The following RANBP2 variants were observed in gnomAD, a reference collection of about 807,000 sequenced individuals.
RANBP2 encodes the protein E3 SUMO-protein ligase RanBP2.
Under a neutral mutation model 303.6 loss-of-function variants are expected in RANBP2, and 57 were observed. The observed-to-expected ratio is 0.19, with a 90% CI of 0.15 to 0.23. RANBP2 has a LOEUF of 0.23. RANBP2 is among the 10% of genes least tolerant of loss of function. RANBP2 has a pLI of 1.00. For missense variants in RANBP2, 3,138 were observed against 3,780.8 expected (o/e 0.83, Z 4.46); for synonymous variants, 1,167 against 1,301.5 (o/e 0.90, Z 2.23).
At chr2:108,741,201 A>AT (rs903850810) in intron 7 of RANBP2, among the ~76,000 whole-genome samples, 32 of 151,852 alleles carry the variant, frequency 2.1e-4, no homozygotes, top group Non-Finnish European at 4.4e-4. Context: ...CTTAATTTTT[A>AT]TTTTTTTATT....
the RANBP2 span, among the ~76,000 whole-genome samples, chr2:108,954,341 T>G: frequency 6.6e-6 from 1 of 152,222 alleles, no homozygotes; most frequent in African/African-American, 2.4e-5. Context: ...TTAATGTATA[T>G]GCTTATTATT....
At chr2:108,971,891 C>T in the RANBP2 span, among the ~76,000 whole-genome samples, 1 of 152,328 alleles carries the variant, frequency 6.6e-6, no homozygotes, top group African/African-American at 2.4e-5. Context: ...GACCAGGTCA[C>T]CAAAGGCACT....
chr2:108,768,371 T>A lies in RANBP2; in HGVS notation c.7832T>A (p.Phe2611Tyr), dbSNP rs1242888227. 8 of 1,611,662 alleles carry A rather than the reference T, an allele frequency of 5.0e-6. No individual in the cohort carries two copies. Among genetic ancestry groups the A allele is most frequent in the Non-Finnish European group, 6.8e-6 (8 of 1,179,840 alleles). Residue 2611 changes from phenylalanine to tyrosine, a missense_variant, in exon 20 of 29, where the codon TTT becomes TAT. Coordinates refer to ENST00000283195, the MANE Select transcript of RANBP2 (RefSeq NM_006267.5). Reference sequence around the variant, plus strand: ...GAAGAATCTTCAATCAACTACACATTTAAAACACCAGAAAAGGGTAAGTAC... The same window carrying A: ...GAAGAATCTTCAATCAACTACACATATAAAACACCAGAAAAGGGTAAGTAC... ...PTEESSINYT[F>Y]KTPEKAKEKK...
At chr2:109,294,279 G>A in the RANBP2 span, among the ~76,000 whole-genome samples, 508 of 152,254 alleles carry the variant, frequency 3.3e-3, 1 homozygote, top group Non-Finnish European at 5.7e-3. Flanking sequence ...AAGAATTGCT[G>A]TGCCGTGTGC....
At chr2:109,354,738 C>T in the RANBP2 span, among the ~76,000 whole-genome samples, 1 of 152,246 alleles carries the variant, frequency 6.6e-6, no homozygotes, top group Non-Finnish European at 1.5e-5. Flanking sequence ...CACCCTGCCC[C>T]GCAGCCTCTG....
chr2:109,677,379 A>G, the RANBP2 span, among the ~76,000 whole-genome samples: 4 of 151,782 alleles, frequency 2.6e-5, no homozygotes, highest in Non-Finnish European at 2.9e-5. Flanking sequence ...CTTTGTGCCA[A>G]TTTTCAGCCT....
chr2:109,211,608 CA>C, the RANBP2 span, among the ~76,000 whole-genome samples: 171 of 151,570 alleles, frequency 1.1e-3, no homozygotes, highest in Non-Finnish European at 1.0e-3. Flanking sequence ...ATTAGACAGA[CA>C]GATGCACATG....
At chr2:109,465,003 ACTGACCTT>A in the RANBP2 span, among the ~76,000 whole-genome samples, 2 of 152,212 alleles carry the variant, frequency 1.3e-5, no homozygotes, top group Non-Finnish European at 2.9e-5. Context: ...CCTGGCAACC[ACTGACCTT>A]TTTACTGCCT....
At chr2:109,470,331 C>T in the RANBP2 span, among the ~76,000 whole-genome samples, 1 of 152,202 alleles carries the variant, frequency 6.6e-6, no homozygotes, top group Non-Finnish European at 1.5e-5. Flanking sequence ...CGGGTAGACT[C>T]CTGCTCCATC....
the RANBP2 span, among the ~76,000 whole-genome samples, chr2:109,530,004 T>C: frequency 1.3e-5 from 2 of 152,332 alleles, no homozygotes; most frequent in South Asian, 4.1e-4. Flanking sequence ...GAAAAACAGC[T>C]CTTGCCTGAC....
the RANBP2 span, among the ~76,000 whole-genome samples, chr2:109,558,168 G>C: frequency 3.0e-4 from 46 of 152,084 alleles, no homozygotes; most frequent in African/African-American, 1.1e-3. Flanking sequence ...TAAAGAGAAA[G>C]AAAGAAAAAA....
the RANBP2 span, among the ~76,000 whole-genome samples, chr2:109,023,038 G>C: frequency 6.6e-6 from 1 of 151,982 alleles, no homozygotes; most frequent in Non-Finnish European, 1.5e-5. Context: ...GTGACAGAGC[G>C]AGACTCCATC....
the RANBP2 span, among the ~76,000 whole-genome samples, chr2:109,700,823 C>T: frequency 5.9e-5 from 9 of 151,918 alleles, no homozygotes; most frequent in Non-Finnish European, 1.3e-4. Context: ...TCAACAGATC[C>T]GAGGAGTCAA....
At chr2:108,925,706 C>T in the RANBP2 span, among the ~76,000 whole-genome samples, 1 of 152,156 alleles carries the variant, frequency 6.6e-6, no homozygotes, top group Non-Finnish European at 1.5e-5. Context: ...CAACTTCCGC[C>T]TCCCAGGTGC....
chr2:109,657,756 G>A, the RANBP2 span, among the ~76,000 whole-genome samples: 1 of 113,592 alleles, frequency 8.8e-6, no homozygotes, highest in Admixed American at 1.3e-4. Context: ...GTCTCACTCT[G>A]TTGCCCAGGC....
chr2:109,240,553 C>T, the RANBP2 span, among the ~76,000 whole-genome samples: 7 of 152,282 alleles, frequency 4.6e-5, no homozygotes, highest in East Asian at 1.4e-3. Flanking sequence ...CTATCAGTAG[C>T]AGAGTCCCCT....
At chr2:108,731,182 G>C (rs954244181) in intron 3 of RANBP2, 140 bp from the exon 4 acceptor site, 8 of 1,391,570 alleles carry the variant, frequency 5.7e-6, no homozygotes, top group Non-Finnish European at 6.7e-6. Flanking sequence ...TAACACCTTT[G>C]AAGTAACATG....
At chr2:109,289,941 T>TG in the RANBP2 span, among the ~76,000 whole-genome samples, 1 of 152,188 alleles carries the variant, frequency 6.6e-6, no homozygotes, top group Admixed American at 6.5e-5. Flanking sequence ...CCAAAGCCTA[T>TG]GGGGCTCTTG....
At chr2:108,982,530 C>A in the RANBP2 span, among the ~76,000 whole-genome samples, 1 of 152,226 alleles carries the variant, frequency 6.6e-6, no homozygotes, top group Non-Finnish European at 1.5e-5. Flanking sequence ...GCAATCTTCA[C>A]AAAATAAATA....
Sources: allele counts gnomAD v4.1 joint callset (sites outside exome capture counted in the v4.1 genomes callset), GRCh38; gene constraint gnomAD v4.1.1; transcripts MANE v1.5; gene names NCBI Gene and HGNC (gene_info 2026-07-23, HGNC 2026-07-21).